The following UBE2H variants were observed in gnomAD, a reference collection of about 807,000 sequenced individuals.
UBE2H encodes the protein ubiquitin-conjugating enzyme E2 H.
Under a neutral mutation model 29.0 loss-of-function variants are expected in UBE2H, and 3 were observed. That is an observed-to-expected ratio of 0.10 (90% CI 0.05 to 0.27). The LOEUF (loss-of-function observed/expected upper bound fraction) is 0.27. Ranked by LOEUF, UBE2H falls within the 10% of genes least tolerant of loss-of-function variation. The pLI, the probability that UBE2H is intolerant of heterozygous loss-of-function variation, is 1.00. For missense variants in UBE2H, 68 were observed against 228.2 expected, an observed-to-expected ratio of 0.30 and a Z score of 4.52; for synonymous variants, 69 against 82.9, an observed-to-expected ratio of 0.83 and a Z score of 0.91.
chr7:129,849,598 A>G (rs1805572501), intron 5 of UBE2H, among the ~76,000 whole-genome samples: 1 of 152,078 alleles, frequency 6.6e-6, no homozygotes, highest in Non-Finnish European at 1.5e-5. Flanking sequence ...AAATAAAATA[A>G]TAAAACAATT....
At chr7:129,929,989 G>A (rs886304843) in intron 1 of UBE2H, among the ~76,000 whole-genome samples, 7 of 152,026 alleles carry the variant, frequency 4.6e-5, no homozygotes, top group Admixed American at 3.9e-4. Context: ...CAGCCTGGGC[G>A]ACAAAGACTC....
chr7:129,924,227 T>G (rs1807219782), intron 1 of UBE2H, among the ~76,000 whole-genome samples: 1 of 152,122 alleles, frequency 6.6e-6, no homozygotes, highest in African/African-American at 2.4e-5. Context: ...TTGTTTAAAA[T>G]TATACTTTCA....
At chr7:129,897,556 AAT>A (rs1317217137) in intron 1 of UBE2H, among the ~76,000 whole-genome samples, 24 of 152,140 alleles carry the variant, frequency 1.6e-4, no homozygotes, top group Non-Finnish European at 3.2e-4. Flanking sequence ...TGCAAAAAGA[AAT>A]AAAGTAACAG....
intron 3 of UBE2H, among the ~76,000 whole-genome samples, chr7:129,867,699 TAAAAAAA>T (rs59742626): frequency 3.4e-5 from 1 of 29,638 alleles, no homozygotes; most frequent in Non-Finnish European, 5.8e-5. Flanking sequence ...TAGAGTATAA[TAAAAAAA>T]AAAAAAAAAA....
chr7:129,854,126 C>G (rs1037885416), intron 5 of UBE2H, among the ~76,000 whole-genome samples: 37 of 120,292 alleles, frequency 3.1e-4, no homozygotes, highest in African/African-American at 1.1e-3. Context: ...AACTAAGATT[C>G]TCTCAGGAAC....
At chr7:129,929,361 C>T (rs1243055904) in intron 1 of UBE2H, among the ~76,000 whole-genome samples, 1 of 151,518 alleles carries the variant, frequency 6.6e-6, no homozygotes, top group Non-Finnish European at 1.5e-5. Context: ...TGCACCATAT[C>T]CCGTAGCTCA....
intron 1 of UBE2H, among the ~76,000 whole-genome samples, chr7:129,890,788 A>AT (rs1255129543): frequency 1.3e-5 from 2 of 152,208 alleles, no homozygotes; most frequent in African/African-American, 4.8e-5. Flanking sequence ...TTATCAGTGG[A>AT]TAAACCAAGT....
At chr7:129,901,472 G>GT (rs1371628780) in intron 1 of UBE2H, among the ~76,000 whole-genome samples, 9 of 152,188 alleles carry the variant, frequency 5.9e-5, no homozygotes, top group African/African-American at 9.7e-5. Flanking sequence ...GCACAGACAG[G>GT]TAAGTACTGA....
chr7:129,941,045 C>T (rs1052461101), intron 1 of UBE2H, among the ~76,000 whole-genome samples: 1 of 152,108 alleles, frequency 6.6e-6, no homozygotes, highest in Non-Finnish European at 1.5e-5. Context: ...ACCTCCACCT[C>T]CCGGGTTCAA....
intron 1 of UBE2H, among the ~76,000 whole-genome samples, chr7:129,918,405 A>G (rs1169334150): frequency 6.7e-6 from 1 of 148,812 alleles, no homozygotes; most frequent in Non-Finnish European, 1.5e-5. Context: ...GTCACCCAGG[A>G]TGGAGTGCAG....
intron 1 of UBE2H, among the ~76,000 whole-genome samples, chr7:129,888,834 A>G (rs994049101): frequency 2.6e-5 from 4 of 152,204 alleles, no homozygotes; most frequent in Non-Finnish European, 4.4e-5. Context: ...GCAAGGGAAC[A>G]CGAGATCTGT....
intron 1 of UBE2H, among the ~76,000 whole-genome samples, chr7:129,899,364 T>C (rs1450439513): frequency 1.3e-5 from 2 of 152,220 alleles, no homozygotes; most frequent in African/African-American, 2.4e-5. Context: ...GTTTCCCTCA[T>C]GCTCTCACCA....
intron 3 of UBE2H, among the ~76,000 whole-genome samples, chr7:129,867,100 T>C (rs1805919016): frequency 6.6e-6 from 1 of 152,224 alleles, no homozygotes; most frequent in Admixed American, 6.5e-5. Context: ...GATTTACATA[T>C]GTTTCCCATA....
intron 1 of UBE2H, among the ~76,000 whole-genome samples, chr7:129,895,767 T>C (rs1305330363): frequency 6.6e-6 from 1 of 151,936 alleles, no homozygotes; most frequent in East Asian, 1.9e-4. Flanking sequence ...CGGGTGCCTG[T>C]AGTCCCAACT....
At chr7:129,930,202 C>T (rs1454243871) in intron 1 of UBE2H, among the ~76,000 whole-genome samples, 1 of 152,074 alleles carries the variant, frequency 6.6e-6, no homozygotes, top group Non-Finnish European at 1.5e-5. Flanking sequence ...GCTCTTGTTG[C>T]CCACGCTGCA....
intron 5 of UBE2H, among the ~76,000 whole-genome samples, chr7:129,848,539 C>A (rs1805552210): frequency 6.6e-6 from 1 of 152,144 alleles, no homozygotes; most frequent in South Asian, 2.1e-4. Flanking sequence ...ACTGATGATT[C>A]CCTCTGTGAC....
chr7:129,872,659 T>C (rs1351803869), intron 3 of UBE2H, among the ~76,000 whole-genome samples: 1 of 151,744 alleles, frequency 6.6e-6, no homozygotes, highest in Admixed American at 6.6e-5. Context: ...CTGGCCAACA[T>C]GGTGAAACCC....
At chr7:129,870,200 C>T (rs1477888258) in intron 3 of UBE2H, among the ~76,000 whole-genome samples, 2 of 152,170 alleles carry the variant, frequency 1.3e-5, no homozygotes, top group African/African-American at 4.8e-5. Context: ...CTGCTCCCTC[C>T]TTCCTTCTCG....
In UBE2H at chr7:129,952,768, C is replaced by CT. The variant is rs1807910640; in HGVS notation, c.-214dup. On this transcript the variant is annotated 5_prime_UTR_variant, in exon 1 of 7. Coordinates refer to ENST00000355621, the MANE Select transcript of UBE2H (RefSeq NM_003344.4). ...GGGGTGGGGACCCTGCGGCGCCCGGCTCGGGCTGCCCCTCTCCGGCTGTGG... is the reference window on the plus strand; with the variant it reads ...GGGGTGGGGACCCTGCGGCGCCCGGCTTCGGGCTGCCCCTCTCCGGCTGTGG... 5.4e-6 allele frequency: 2 copies of CT among 369,512 alleles called. No individual in the cohort carries two copies. Among genetic ancestry groups the CT allele is most frequent in the Non-Finnish European group, 9.3e-6 (2 of 215,152 alleles). 22.9% of individuals were successfully genotyped at this position (369,512 alleles called of 1,614,324 possible).
Sources: gnomAD v4.1 joint callset for allele counts (sites outside exome capture counted in the v4.1 genomes callset) on GRCh38, gnomAD v4.1.1 for gene constraint, MANE v1.5 for transcripts, NCBI Gene and HGNC (gene_info 2026-07-23, HGNC 2026-07-21) for gene names.